Variants in FAM222B observed in about 807,000 individuals in gnomAD.
FAM222B encodes family with sequence similarity 222 member B.
FAM222B carries 12 observed loss-of-function variants against 38.0 expected under a neutral mutation model. The ratio of observed to expected loss-of-function variants is 0.32; its 90% CI spans 0.20 to 0.51. The LOEUF is 0.51. FAM222B is among the 20% of genes least tolerant of loss of function. The probability of loss-of-function intolerance (pLI) is 0.97; values close to 1 mark genes in which losing one functional copy is unlikely to be tolerated. For synonymous variants in FAM222B, 329 were observed against 317.2 expected (o/e 1.04, Z -0.40); for missense variants, 716 against 754.2 (o/e 0.95, Z 0.59).
chr17:28,772,721 C>G (rs955244080), intron 1 of FAM222B, among the ~76,000 whole-genome samples: 2 of 151,960 alleles, frequency 1.3e-5, no homozygotes, highest in African/African-American at 2.4e-5. Flanking sequence ...ATGGTGAAAC[C>G]CCATCTCTAC....
upstream of FAM222B, among the ~76,000 whole-genome samples, chr17:28,844,319 AAG>A (rs1222832703): frequency 6.6e-6 from 1 of 152,140 alleles, no homozygotes; most frequent in Non-Finnish European, 1.5e-5. Context: ...AAGGGGGAAA[AAG>A]AGAAGAAAAA....
chr17:28,821,426 T>C (rs2038214808), intron 1 of FAM222B, among the ~76,000 whole-genome samples: 1 of 152,190 alleles, frequency 6.6e-6, no homozygotes, highest in Non-Finnish European at 1.5e-5. Context: ...TGCAAAAGTG[T>C]TTTACAATTA....
chr17:28,823,446 C>T (rs2038335672), intron 1 of FAM222B, among the ~76,000 whole-genome samples: 1 of 151,354 alleles, frequency 6.6e-6, no homozygotes, highest in South Asian at 2.1e-4. Context: ...GTGGCACAAT[C>T]ACCACTTACT....
intron 1 of FAM222B, among the ~76,000 whole-genome samples, chr17:28,775,428 A>G (rs890164629): frequency 6.6e-6 from 1 of 150,684 alleles, no homozygotes; most frequent in African/African-American, 2.4e-5. Flanking sequence ...TCAGTACTTC[A>G]TTAGTTCTCT....
At chr17:28,787,857 G>A (rs892824891) in intron 1 of FAM222B, among the ~76,000 whole-genome samples, 76 of 134,002 alleles carry the variant, frequency 5.7e-4, no homozygotes, top group African/African-American at 2.2e-3. Context: ...ACGGAGTTTC[G>A]CTCTTGTTGC....
At chr17:28,775,812 T>C (rs534193111) in intron 1 of FAM222B, among the ~76,000 whole-genome samples, 10 of 147,906 alleles carry the variant, frequency 6.8e-5, no homozygotes, top group African/African-American at 2.5e-4. Context: ...ACCCAGGAGA[T>C]GGAGGTTGCA....
At chr17:28,785,968 G>A (rs1318893186) in intron 1 of FAM222B, among the ~76,000 whole-genome samples, 1 of 151,804 alleles carries the variant, frequency 6.6e-6, no homozygotes, top group Non-Finnish European at 1.5e-5. Flanking sequence ...CAAAGTGCTG[G>A]GATTACAGGT....
chr17:28,814,770 CTTTTTT>C (rs35921944), intron 1 of FAM222B, among the ~76,000 whole-genome samples: 2 of 117,604 alleles, frequency 1.7e-5, no homozygotes, highest in African/African-American at 6.4e-5. Flanking sequence ...CCAGGCCGAT[CTTTTTT>C]TTTTTTTTTT....
chr17:28,792,673 TG>T (rs936061742), intron 1 of FAM222B, among the ~76,000 whole-genome samples: 17 of 150,778 alleles, frequency 1.1e-4, no homozygotes, highest in Non-Finnish European at 2.4e-4. Context: ...CCCAGTTACT[TG>T]GGGGGCCAAG....
At chr17:28,782,042 G>C (rs758553449) in intron 1 of FAM222B, among the ~76,000 whole-genome samples, 10 of 152,164 alleles carry the variant, frequency 6.6e-5, no homozygotes, top group Non-Finnish European at 8.8e-5. Context: ...AAAATATCGA[G>C]GGGCCAGGCA....
At chr17:28,854,266 G>C (rs2039207686) in intron 1 of FAM222B, among the ~76,000 whole-genome samples, 1 of 152,190 alleles carries the variant, frequency 6.6e-6, no homozygotes, top group Non-Finnish European at 1.5e-5. Flanking sequence ...GTTTGATTTA[G>C]AGGCTACAAA....
intron 1 of FAM222B, among the ~76,000 whole-genome samples, chr17:28,839,663 A>G (rs1370439539): frequency 2.6e-5 from 4 of 152,220 alleles, no homozygotes; most frequent in African/African-American, 9.6e-5. Flanking sequence ...TGTAGTAGTC[A>G]AACATGGAAT....
chr17:28,823,214 A>G (rs1002559732), intron 1 of FAM222B, among the ~76,000 whole-genome samples: 2 of 152,108 alleles, frequency 1.3e-5, no homozygotes. Context: ...TTCCCCCTCA[A>G]TCAACTACAA....
intron 1 of FAM222B, among the ~76,000 whole-genome samples, chr17:28,798,969 C>G (rs1184536965): frequency 7.0e-6 from 1 of 142,026 alleles, no homozygotes; most frequent in Non-Finnish European, 1.5e-5. Flanking sequence ...AGAATGGAAT[C>G]CTGTTGTTTT....
At chr17:28,801,316 T>G (rs9891628) in intron 1 of FAM222B, among the ~76,000 whole-genome samples, 5 of 150,202 alleles carry the variant, frequency 3.3e-5, no homozygotes, top group Non-Finnish European at 5.9e-5. Flanking sequence ...AGCCGGGCGA[T>G]GTGGCGGGCG....
intron 1 of FAM222B, among the ~76,000 whole-genome samples, chr17:28,841,195 T>C (rs1478223627): frequency 6.6e-6 from 1 of 151,796 alleles, no homozygotes; most frequent in Non-Finnish European, 1.5e-5. Context: ...CTCAGGAGGC[T>C]GAGACAGGAG....
chr17:28,759,740 G>T lies in FAM222B; in HGVS notation c.219C>A (p.His73Gln). Residue 73 changes from histidine (H) to glutamine (Q), a missense_variant, in exon 3 of 3, where the codon CAC (histidine) becomes CAA (glutamine). Coordinates refer to ENST00000581407, the MANE Select transcript of FAM222B (RefSeq NM_001077498.3). This position sits in a 1 kb window ranked among gnomAD's most constrained non-coding sequence, Gnocchi z 4.8. ...PNSVKVPQRK[H>Q]VRRTVNGLDT... is the part of the protein sequence containing the mutation. ...CGAGGCCGTTCACAGTACGACGAAC[G>T]TGTTTCCGCTGGGGAACCTTCACAC... 6.2e-7 allele frequency: 1 copy of T among 1,613,828 alleles called. No homozygotes were observed. The highest frequency in any genetic ancestry group is 1.6e-4 in the Middle Eastern group (1 of 6,062).
chr17:28,829,394 C>T (rs994531010), intron 1 of FAM222B, among the ~76,000 whole-genome samples: 2 of 150,772 alleles, frequency 1.3e-5, no homozygotes. Context: ...TGGTCTCAAA[C>T]TCCCGACCTC....
chr17:28,793,320 A>C (rs1468498267), intron 1 of FAM222B, among the ~76,000 whole-genome samples: 2 of 152,194 alleles, frequency 1.3e-5, no homozygotes, highest in African/African-American at 4.8e-5. Flanking sequence ...AAACTCTCTT[A>C]TATTTTAAAA....
Sources: gnomAD v4.1 joint callset for allele counts (sites outside exome capture counted in the v4.1 genomes callset) on GRCh38, gnomAD v4.1.1 for gene constraint, Gnocchi (gnomAD v3.1) non-coding constraint, MANE v1.5 for transcripts, NCBI Gene and HGNC (gene_info 2026-07-23, HGNC 2026-07-21) for gene names.